The following OR52N4 variants were observed in gnomAD, a reference collection of about 807,000 sequenced individuals.
OR52N4 encodes the protein olfactory receptor 52N4.
A neutral mutation model predicts 15.0 loss-of-function variants in OR52N4; 15 were observed. The observed-to-expected ratio is 1.00, with a 90% CI of 0.67 to 1.54. The LOEUF is 1.54. Among genes scored for constraint, OR52N4 ranks in the 40% most tolerant of loss-of-function variants. The pLI is 0.00. For synonymous variants in OR52N4, 143 were observed against 143.7 expected (o/e 1.00, Z 0.03); for missense variants, 421 against 394.0 (o/e 1.07, Z -0.58).
the OR52N4 span, among the ~76,000 whole-genome samples, chr11:5,731,902 T>C: frequency 6.6e-6 from 1 of 152,196 alleles, no homozygotes; most frequent in Non-Finnish European, 1.5e-5. Flanking sequence ...TTATTTTTGA[T>C]GTATATTTTC....
the OR52N4 span, among the ~76,000 whole-genome samples, chr11:5,729,938 G>C: frequency 6.6e-6 from 1 of 151,976 alleles, no homozygotes; most frequent in East Asian, 1.9e-4. Flanking sequence ...ATGCCTTTGG[G>C]ATCCCAGACT....
At chr11:5,741,853 A>G in the OR52N4 span, among the ~76,000 whole-genome samples, 1 of 152,168 alleles carries the variant, frequency 6.6e-6, no homozygotes, top group African/African-American at 2.4e-5. Context: ...AGTTATGGAA[A>G]TGGTGTCCTT....
At chr11:5,739,561 C>CAAA in the OR52N4 span, among the ~76,000 whole-genome samples, 120 of 44,854 alleles carry the variant, frequency 2.7e-3, 3 homozygotes, top group East Asian at 0.02. Context: ...GACTCTGACT[C>CAAA]AAAAAAAAAA....
chr11:5,739,076 C>T, the OR52N4 span, among the ~76,000 whole-genome samples: 1 of 127,032 alleles, frequency 7.9e-6, no homozygotes, highest in Non-Finnish European at 1.7e-5. Context: ...TGGCCTTTCA[C>T]ACAAACTTCA....
chr11:5,751,294 AC>A (rs1464935766), upstream of OR52N4, among the ~76,000 whole-genome samples: 2 of 152,030 alleles, frequency 1.3e-5, no homozygotes. Context: ...AATTATTTCA[AC>A]TTGATGGGAA....
At chr11:5,737,004 T>G in the OR52N4 span, 1 of 1,613,962 alleles carries the variant, frequency 6.2e-7, no homozygotes, top group Non-Finnish European at 8.5e-7. Flanking sequence ...AGAAATGGCT[T>G]ATTTGTCACT....
At chr11:5,726,600 T>C in the OR52N4 span, 1 of 152,264 alleles carries the variant, frequency 6.6e-6, no homozygotes, top group Non-Finnish European at 1.5e-5. Flanking sequence ...TCACTCCCTG[T>C]GTGTGGCTTA....
the OR52N4 span, among the ~76,000 whole-genome samples, chr11:5,728,293 A>G: frequency 2.0e-5 from 3 of 152,186 alleles, no homozygotes; most frequent in Admixed American, 2.0e-4. Flanking sequence ...ACCACTCAGA[A>G]TGGGAATTCT....
chr11:5,754,766 T>C lies in OR52N4; in HGVS notation c.26T>C (p.Leu9Pro), dbSNP rs1854260949. The C allele has an allele frequency of 5.0e-6, 8 of 1,613,292 alleles. No homozygotes were observed. Among genetic ancestry groups the C allele is most frequent in the Middle Eastern group, 1.7e-4 (1 of 6,054 alleles). ...ATGCTAACACTGAATAAAACAGACC[T>C]AATACCAGCTTCATTTATTCTGAAT... is the stretch of plus-strand genomic sequence containing the variant. MLTLNKTDLIPASFILNGV... is the reference protein window; with the variant it reads MLTLNKTDPIPASFILNGV... Residue 9 changes from leucine (L) to proline (P), a missense_variant, in exon 2 of 2, where the codon CTA (leucine) becomes CCA (proline). Physicochemically the swap from Leu to Pro is moderately conservative, Grantham distance 98. Coordinates refer to ENST00000641350, the MANE Select transcript of OR52N4 (RefSeq NM_001005175.5).
At chr11:5,730,557 T>C in the OR52N4 span, among the ~76,000 whole-genome samples, 1 of 152,066 alleles carries the variant, frequency 6.6e-6, no homozygotes, top group Non-Finnish European at 1.5e-5. Flanking sequence ...CTCCAAAATC[T>C]ATCCACTGTG....
chr11:5,749,639 T>C (rs2134210150), upstream of OR52N4, among the ~76,000 whole-genome samples: 1 of 152,060 alleles, frequency 6.6e-6, no homozygotes, highest in Non-Finnish European at 1.5e-5. Flanking sequence ...GGTTATTTCC[T>C]GGAAAGACTG....
At chr11:5,741,673 G>C in the OR52N4 span, among the ~76,000 whole-genome samples, 14 of 152,260 alleles carry the variant, frequency 9.2e-5, no homozygotes, top group African/African-American at 3.1e-4. Flanking sequence ...GCAGGTGTGA[G>C]GATAGGAGAG....
Position 5,754,735 on chromosome 11 carries a change from C to A in OR52N4, c.-6C>A. Reference sequence around the variant, plus strand: ...TTGAGCTATTTCATAACCTACCAGACTTATCATGCTAACACTGAATAAAAC... The same window carrying A: ...TTGAGCTATTTCATAACCTACCAGAATTATCATGCTAACACTGAATAAAAC... On this transcript the variant is annotated 5_prime_UTR_variant, in exon 2 of 2. Coordinates refer to ENST00000641350, the MANE Select transcript of OR52N4 (RefSeq NM_001005175.5). 6.2e-7 allele frequency: 1 copy of A among 1,605,854 alleles called. No homozygotes were observed. The highest frequency in any genetic ancestry group is 1.1e-5 in the South Asian group (1 of 89,776).
chr11:5,736,393 T>C, the OR52N4 span: 3 of 786,560 alleles, frequency 3.8e-6, no homozygotes, highest in East Asian at 4.9e-5. Flanking sequence ...ATCCATTTAA[T>C]CTATATAATT....
the OR52N4 span, among the ~76,000 whole-genome samples, chr11:5,738,857 C>CTGACTATGGTTACTGCCCT: frequency 1.5e-5 from 2 of 132,018 alleles, no homozygotes; most frequent in Admixed American, 7.2e-5. Flanking sequence ...AGGCTACTTT[C>CTGACTATGGTTACTGCCCT]CATTAAACAC....
the OR52N4 span, among the ~76,000 whole-genome samples, chr11:5,734,588 T>G: frequency 7.2e-5 from 11 of 152,102 alleles, no homozygotes; most frequent in Non-Finnish European, 1.2e-4. Flanking sequence ...TTCTGTGAGC[T>G]CAAACATACT....
chr11:5,728,282 A>G, the OR52N4 span, among the ~76,000 whole-genome samples: 5 of 152,188 alleles, frequency 3.3e-5, no homozygotes, highest in Admixed American at 2.6e-4. Flanking sequence ...CACTTACCCA[A>G]ACCACTCAGA....
At chr11:5,741,355 A>G in the OR52N4 span, among the ~76,000 whole-genome samples, 1 of 152,204 alleles carries the variant, frequency 6.6e-6, no homozygotes, top group Admixed American at 6.5e-5. Context: ...CCTGGTCAGA[A>G]TTCCTGGAGA....
the OR52N4 span, chr11:5,737,009 G>A: frequency 1.2e-6 from 2 of 1,614,096 alleles, no homozygotes; most frequent in Non-Finnish European, 1.7e-6. Flanking sequence ...TGGCTTATTT[G>A]TCACTCCAGT....
Sources: gnomAD v4.1 joint callset for allele counts (sites outside exome capture counted in the v4.1 genomes callset) on GRCh38, gnomAD v4.1.1 for gene constraint, MANE v1.5 for transcripts, NCBI Gene and HGNC (gene_info 2026-07-23, HGNC 2026-07-21) for gene names.